The following EPHA3 variants were observed in gnomAD, a reference collection of about 807,000 sequenced individuals.
The protein encoded by EPHA3 is EPH receptor A3, also known as ephrin type-A receptor 3.
In EPHA3, 42 loss-of-function variants were observed where a neutral mutation model predicts 107.1. The ratio of observed to expected loss-of-function variants is 0.39; its 90% CI spans 0.31 to 0.51. The LOEUF (loss-of-function observed/expected upper bound fraction) is 0.51. Among genes scored for constraint, EPHA3 ranks in the 20% least tolerant of loss-of-function variants. The probability of loss-of-function intolerance (pLI) is 0.78; values close to 1 mark genes in which losing one functional copy is unlikely to be tolerated. For synonymous variants in EPHA3, 461 were observed against 424.8 expected (o/e 1.09, Z -1.05); for missense variants, 1,183 against 1,211.2 (o/e 0.98, Z 0.35).
At chr3:89,392,660 A>C (rs1386402194) in intron 5 of EPHA3, among the ~76,000 whole-genome samples, 1 of 152,178 alleles carries the variant, frequency 6.6e-6, no homozygotes. Flanking sequence ...AAAACAGAAG[A>C]ATGAAAAGAA....
intron 2 of EPHA3, among the ~76,000 whole-genome samples, chr3:89,166,561 C>T (rs1270998318): frequency 6.6e-6 from 1 of 152,156 alleles, no homozygotes; most frequent in Non-Finnish European, 1.5e-5. Context: ...ACCATAAAAA[C>T]AGTTCTTTGA....
chr3:89,134,289 A>C (rs1487326575), intron 2 of EPHA3, among the ~76,000 whole-genome samples: 1 of 151,808 alleles, frequency 6.6e-6, no homozygotes, highest in Non-Finnish European at 1.5e-5. Context: ...ACACATGTAT[A>C]CACGTGCCAT....
chr3:89,233,274 C>A (rs1015427332), intron 3 of EPHA3, among the ~76,000 whole-genome samples: 1 of 152,034 alleles, frequency 6.6e-6, no homozygotes, highest in Non-Finnish European at 1.5e-5. Context: ...TCATGGGTAA[C>A]TATTTTTTAG....
chr3:89,132,387 A>G (rs1704225052), intron 2 of EPHA3, among the ~76,000 whole-genome samples: 2 of 152,214 alleles, frequency 1.3e-5, no homozygotes, highest in Admixed American at 1.3e-4. Context: ...CTAATTTCTA[A>G]ATGGAGGCTA....
intron 3 of EPHA3, among the ~76,000 whole-genome samples, chr3:89,320,598 C>T (rs1386015636): frequency 1.3e-5 from 2 of 150,736 alleles, no homozygotes; most frequent in Non-Finnish European, 3.0e-5. Context: ...ATCCCATGGA[C>T]TTTTTTTTTA....
At chr3:89,211,783 T>C (rs1248420760) in intron 3 of EPHA3, among the ~76,000 whole-genome samples, 1 of 145,316 alleles carries the variant, frequency 6.9e-6, no homozygotes, top group Non-Finnish European at 1.5e-5. Context: ...CTTCTTCTTC[T>C]TCTTCTTCTT....
At chr3:89,391,382 T>TTTTTCTTTTC (rs58910915) in intron 5 of EPHA3, among the ~76,000 whole-genome samples, 3,602 of 138,268 alleles carry the variant, frequency 0.026, 80 homozygotes, top group African/African-American at 0.045. Flanking sequence ...TATTTGTATT[T>TTTTTCTTTTC]TTTTCTTTTC....
chr3:89,294,948 C>T (rs1706310158), intron 3 of EPHA3, among the ~76,000 whole-genome samples: 1 of 152,046 alleles, frequency 6.6e-6, no homozygotes, highest in Non-Finnish European at 1.5e-5. Context: ...CTATGGGACA[C>T]AGTTAAATTA....
chr3:89,107,884 G>A (rs199980945), intron 1 of EPHA3, 48 bp downstream of exon 1: 1 of 1,554,466 alleles, frequency 6.4e-7, no homozygotes. Flanking sequence ...CGGGGCTCAC[G>A]CTCTTCAAAG....
chr3:89,272,223 T>C (rs1296289488), intron 3 of EPHA3, among the ~76,000 whole-genome samples: 2 of 151,936 alleles, frequency 1.3e-5, no homozygotes, highest in East Asian at 3.9e-4. Context: ...CCCTAATTCC[T>C]GCATTCATTG....
Position 89,449,317 on chromosome 3 carries a change from T to C in EPHA3, c.2439T>C (p.Val813=). 2.5e-6 allele frequency: 4 copies of C among 1,612,082 alleles called. No individual in the cohort carries two copies. The highest frequency in any genetic ancestry group is 3.4e-6 in the Non-Finnish European group (4 of 1,178,682). Reference sequence around the variant, plus strand: ...GCGATGTATGGAGTTATGGGATTGTTCTCTGGGAGGTGATGTCTTATGGAG... The same window carrying C: ...GCGATGTATGGAGTTATGGGATTGTCCTCTGGGAGGTGATGTCTTATGGAG... ...SASDVWSYGI[V]LWEVMSYGER... Residue 813 remains valine, a synonymous_variant, in exon 14 of 17, where the codon GTT becomes GTC. Coordinates refer to ENST00000336596, the MANE Select transcript of EPHA3 (RefSeq NM_005233.6).
chr3:89,367,997 CA>C (rs1708216948), intron 5 of EPHA3, among the ~76,000 whole-genome samples: 1 of 150,334 alleles, frequency 6.7e-6, no homozygotes, highest in Non-Finnish European at 1.5e-5. Context: ...AGGGCGTGAC[CA>C]AGGCATGGCT....
At chr3:89,334,057 T>C (rs903887018) in intron 3 of EPHA3, among the ~76,000 whole-genome samples, 1 of 152,200 alleles carries the variant, frequency 6.6e-6, no homozygotes, top group African/African-American at 2.4e-5. Flanking sequence ...TTATGTCTAT[T>C]CATTCCCATA....
At chr3:89,365,563 T>C (rs1441246320) in intron 5 of EPHA3, among the ~76,000 whole-genome samples, 3 of 150,716 alleles carry the variant, frequency 2.0e-5, no homozygotes, top group Non-Finnish European at 4.5e-5. Flanking sequence ...CTTGGAAACA[T>C]AGACTAATGT....
At chr3:89,262,078 C>A (rs373777703) in intron 3 of EPHA3, among the ~76,000 whole-genome samples, 1 of 151,756 alleles carries the variant, frequency 6.6e-6, no homozygotes, top group East Asian at 1.9e-4. Flanking sequence ...TGGAAAGAAC[C>A]CAAATAATAT....
chr3:89,409,491 A>T (rs1709116799), intron 9 of EPHA3, among the ~76,000 whole-genome samples: 1 of 151,928 alleles, frequency 6.6e-6, no homozygotes, highest in Non-Finnish European at 1.5e-5. Flanking sequence ...GAGCTTTGGT[A>T]AATTTCTGTG....
intron 2 of EPHA3, among the ~76,000 whole-genome samples, chr3:89,172,470 C>T (rs1239555161): frequency 1.3e-5 from 2 of 152,162 alleles, no homozygotes; most frequent in Non-Finnish European, 2.9e-5. Context: ...ACAAAAGACC[C>T]ACATGTGTCC....
At chr3:89,307,548 G>T (rs1706653789) in intron 3 of EPHA3, among the ~76,000 whole-genome samples, 1 of 152,084 alleles carries the variant, frequency 6.6e-6, no homozygotes, top group Non-Finnish European at 1.5e-5. Flanking sequence ...GCTAATGTTT[G>T]TTGGATTAGG....
At position 89,302,800 on chromosome 3, in the gene EPHA3, C is replaced by T. The variant is rs543849219; in HGVS notation, c.815-38116C>T. 4.5e-4 allele frequency among the ~76,000 whole-genome samples: 69 copies of T among 152,230 alleles called. 1 individual carries two copies. The highest frequency in any genetic ancestry group is 3.4e-3 in the Middle Eastern group (1 of 294). On this transcript the variant is annotated intron_variant, in intron 3 of 16. Transcript: ENST00000336596. ...TCTGAATAACACTAGCATTATAAAA[C>T]ATCAGTATTATATGGTCCAGTAGCA...
Sources: allele counts gnomAD v4.1 joint callset (sites outside exome capture counted in the v4.1 genomes callset), GRCh38; gene constraint gnomAD v4.1.1; transcripts MANE v1.5; gene names NCBI Gene and HGNC (gene_info 2026-07-23, HGNC 2026-07-21).